Variants in DLG2 observed in about 807,000 individuals in gnomAD.
The protein encoded by DLG2 is disks large homolog 2.
A neutral mutation model predicts 132.5 loss-of-function variants in DLG2; 45 were observed. The observed-to-expected ratio is 0.34, with a 90% CI of 0.27 to 0.44. The LOEUF is 0.44. Ranked by LOEUF, DLG2 falls within the 20% of genes least tolerant of loss-of-function variation. DLG2 has a pLI of 1.00. For missense variants in DLG2, 1,045 were observed against 1,196.9 expected (o/e 0.87, Z 1.87); for synonymous variants, 424 against 419.6 (o/e 1.01, Z -0.13).
chr11:85,158,406 G>A (rs993478664), intron 4 of DLG2, among the ~76,000 whole-genome samples: 2 of 152,170 alleles, frequency 1.3e-5, no homozygotes, highest in African/African-American at 4.8e-5. Context: ...ATCTCCTTTG[G>A]TTTAATGTAG....
intron 6 of DLG2, among the ~76,000 whole-genome samples, chr11:85,085,086 T>C (rs779602043): frequency 6.6e-5 from 10 of 152,144 alleles, no homozygotes; most frequent in Non-Finnish European, 1.3e-4. Flanking sequence ...TTTTTCACAA[T>C]CATGCTTATA....
At position 84,937,384 on chromosome 11, in the gene DLG2, CAA is replaced by C. The variant is rs35813381; in HGVS notation, c.357+174275_357+174276del. ...AACAAACTGCTAGGTCATACCAGAC[CAA>C]AAAAAAAAAAAAAAATCAAATTCAA... On this transcript the variant is annotated intron_variant, in intron 6 of 27. Coordinates refer to ENST00000376104, the MANE Select transcript of DLG2 (RefSeq NM_001142699.3). Among the ~76,000 whole-genome samples the C allele has an allele frequency of 0.02, 2,583 of 132,430 alleles. 160 individuals are homozygous for C. The East Asian group carries it at 0.23, about 12-fold the overall frequency. The allele number at this position is 132,430 out of a possible 152,430, so 86.9% of individuals were successfully genotyped here.
chr11:83,563,371 T>C (rs1442774678), intron 19 of DLG2, among the ~76,000 whole-genome samples: 1 of 152,144 alleles, frequency 6.6e-6, no homozygotes, highest in Non-Finnish European at 1.5e-5. Context: ...GTCTTGTAAA[T>C]AAAATCCACA....
intron 7 of DLG2, among the ~76,000 whole-genome samples, chr11:84,375,027 G>C (rs188281306): frequency 1.3e-5 from 2 of 152,090 alleles, no homozygotes; most frequent in Non-Finnish European, 2.9e-5. Flanking sequence ...CCAGCTGGTA[G>C]ACTTATATTC....
intron 6 of DLG2, among the ~76,000 whole-genome samples, chr11:85,107,777 A>G (rs572383276): frequency 6.6e-6 from 1 of 152,050 alleles, no homozygotes; most frequent in South Asian, 2.1e-4. Context: ...GGAGAGAAAC[A>G]AACTGCCACA....
intron 8 of DLG2, among the ~76,000 whole-genome samples, chr11:84,167,719 T>C (rs937987893): frequency 2.6e-5 from 4 of 151,982 alleles, no homozygotes; most frequent in African/African-American, 4.8e-5. Context: ...CAGGCTGGGG[T>C]ACAGTGGTGC....
chr11:83,823,633 T>C (rs1359114794), intron 17 of DLG2, among the ~76,000 whole-genome samples: 1 of 150,672 alleles, frequency 6.6e-6, no homozygotes, highest in Non-Finnish European at 1.5e-5. Context: ...TTCAGAGAAG[T>C]GGGCAAAGAT....
intron 6 of DLG2, among the ~76,000 whole-genome samples, chr11:84,554,139 T>C (rs2099407290): frequency 6.6e-6 from 1 of 152,208 alleles, no homozygotes; most frequent in Non-Finnish European, 1.5e-5. Flanking sequence ...ATGGCTTCAT[T>C]TGTAGTTCTG....
intron 7 of DLG2, among the ~76,000 whole-genome samples, chr11:84,283,234 G>A (rs920193669): frequency 6.6e-6 from 1 of 152,170 alleles, no homozygotes; most frequent in Non-Finnish European, 1.5e-5. Flanking sequence ...CCCCATGAAG[G>A]TCTTATTCGT....
intron 18 of DLG2, among the ~76,000 whole-genome samples, chr11:83,700,108 T>C (rs1249785940): frequency 1.3e-5 from 2 of 151,974 alleles, no homozygotes; most frequent in African/African-American, 2.4e-5. Context: ...AATATTTAAA[T>C]TAATTTAAAT....
At chr11:84,732,140 A>T (rs918425823) in intron 6 of DLG2, among the ~76,000 whole-genome samples, 1 of 152,092 alleles carries the variant, frequency 6.6e-6, no homozygotes, top group African/African-American at 2.4e-5. Flanking sequence ...ATTGCCAAGT[A>T]ATATTACATT....
intron 6 of DLG2, among the ~76,000 whole-genome samples, chr11:84,888,142 C>A (rs1422467790): frequency 6.6e-6 from 1 of 152,036 alleles, no homozygotes; most frequent in Admixed American, 6.6e-5. Flanking sequence ...TTTTACATGT[C>A]AACTTGGCTG....
intron 18 of DLG2, among the ~76,000 whole-genome samples, chr11:83,712,956 C>T (rs187478843): frequency 1.1e-4 from 16 of 143,846 alleles, no homozygotes; most frequent in South Asian, 4.5e-4. Context: ...CCATGTACCC[C>T]GGAACTTAAA....
chr11:84,554,183 T>C (rs1026476252), intron 6 of DLG2, among the ~76,000 whole-genome samples: 1 of 152,220 alleles, frequency 6.6e-6, no homozygotes, highest in African/African-American at 2.4e-5. Flanking sequence ...CTTGTATCAA[T>C]TCATCCTTTT....
intron 6 of DLG2, among the ~76,000 whole-genome samples, chr11:85,002,575 C>T (rs974361718): frequency 6.6e-6 from 1 of 152,104 alleles, no homozygotes; most frequent in African/African-American, 2.4e-5. Flanking sequence ...TGCTGGTTTA[C>T]CTGGATGACC....
chr11:85,125,661 T>G (rs919987355), intron 5 of DLG2, among the ~76,000 whole-genome samples: 2 of 152,196 alleles, frequency 1.3e-5, no homozygotes, highest in Non-Finnish European at 2.9e-5. Flanking sequence ...ATTAGAGTCA[T>G]AAAGACTTGA....
At chr11:84,919,834 C>T (rs1391878147) in intron 6 of DLG2, among the ~76,000 whole-genome samples, 3 of 152,170 alleles carry the variant, frequency 2.0e-5, no homozygotes, top group Non-Finnish European at 4.4e-5. Context: ...ATTAAAGAGG[C>T]ACTTTTCCTA....
chr11:84,117,703 T>G (rs2093701043), intron 9 of DLG2, among the ~76,000 whole-genome samples: 1 of 152,136 alleles, frequency 6.6e-6, no homozygotes, highest in African/African-American at 2.4e-5. Context: ...TTGTATTCAT[T>G]GAGAAAAAAA....
intron 4 of DLG2, among the ~76,000 whole-genome samples, chr11:85,172,920 G>A (rs1318369571): frequency 6.6e-6 from 1 of 152,088 alleles, no homozygotes; most frequent in Non-Finnish European, 1.5e-5. Context: ...AAAAAATAGA[G>A]AGTAAAGAAT....
Sources: allele counts gnomAD v4.1 joint callset (sites outside exome capture counted in the v4.1 genomes callset), GRCh38; gene constraint gnomAD v4.1.1; transcripts MANE v1.5; gene names NCBI Gene and HGNC (gene_info 2026-07-23, HGNC 2026-07-21).